Variants in NXPH2 observed in about 807,000 individuals in gnomAD.
The protein encoded by NXPH2 is neurexophilin-2.
NXPH2 carries 5 observed loss-of-function variants against 19.8 expected under a neutral mutation model. The ratio of observed to expected loss-of-function variants is 0.25; its 90% CI spans 0.13 to 0.53. The LOEUF (loss-of-function observed/expected upper bound fraction) is 0.53. NXPH2 is among the 20% of genes least tolerant of loss of function. The pLI is 0.96. For synonymous variants in NXPH2, 154 were observed against 127.4 expected, an observed-to-expected ratio of 1.21 and a Z score of -1.41; for missense variants, 289 against 322.8, an observed-to-expected ratio of 0.90 and a Z score of 0.80.
chr2:138,766,066 G>A (rs570577562), intron 1 of NXPH2, among the ~76,000 whole-genome samples: 1 of 152,272 alleles, frequency 6.6e-6, no homozygotes, highest in South Asian at 2.1e-4. Flanking sequence ...TCCAGGCAAG[G>A]AATATCAGGG....
At chr2:138,676,691 G>C (rs527689081) in intron 1 of NXPH2, among the ~76,000 whole-genome samples, 1 of 152,302 alleles carries the variant, frequency 6.6e-6, no homozygotes, top group Non-Finnish European at 1.5e-5. Flanking sequence ...TTCGATGACT[G>C]ATGGCTCTTC....
chr2:138,714,454 T>C (rs575368563), intron 1 of NXPH2, among the ~76,000 whole-genome samples: 55 of 152,320 alleles, frequency 3.6e-4, no homozygotes, highest in African/African-American at 1.3e-3. Flanking sequence ...ACTTTTCTCA[T>C]TAATTAGAAG....
At chr2:138,676,094 C>T (rs1209722529) in intron 1 of NXPH2, among the ~76,000 whole-genome samples, 1 of 152,066 alleles carries the variant, frequency 6.6e-6, no homozygotes, top group Non-Finnish European at 1.5e-5. Flanking sequence ...CTGTGTACAA[C>T]CTCATCCGTT....
chr2:138,736,348 T>C (rs1270139662), intron 1 of NXPH2, among the ~76,000 whole-genome samples: 1 of 152,204 alleles, frequency 6.6e-6, no homozygotes, highest in Non-Finnish European at 1.5e-5. Flanking sequence ...AAACCTCAAT[T>C]CTTGACTTCT....
chr2:138,699,800 C>T (rs1257118342), intron 1 of NXPH2, among the ~76,000 whole-genome samples: 4 of 152,176 alleles, frequency 2.6e-5, no homozygotes, highest in Middle Eastern at 3.2e-3. Flanking sequence ...TGCGAAAACA[C>T]GTTCATGCGT....
intron 1 of NXPH2, among the ~76,000 whole-genome samples, chr2:138,768,223 C>T (rs1245032800): frequency 4.6e-5 from 7 of 151,812 alleles, no homozygotes; most frequent in Non-Finnish European, 1.0e-4. Context: ...CCTTTTTTTC[C>T]TGATGATTTC....
chr2:138,689,536 G>A (rs1038527806), intron 1 of NXPH2, among the ~76,000 whole-genome samples: 1 of 152,158 alleles, frequency 6.6e-6, no homozygotes, highest in African/African-American at 2.4e-5. Flanking sequence ...GAGTGCCCAT[G>A]TTGAGGTAAA....
chr2:138,738,344 G>T (rs1050590900), intron 1 of NXPH2, among the ~76,000 whole-genome samples: 1 of 152,062 alleles, frequency 6.6e-6, no homozygotes, highest in African/African-American at 2.4e-5. Context: ...AAAACACTTG[G>T]TATAACGAAT....
intron 1 of NXPH2, among the ~76,000 whole-genome samples, chr2:138,723,934 CT>C (rs66507808): frequency 3.5e-5 from 5 of 144,570 alleles, no homozygotes; most frequent in African/African-American, 1.0e-4. Flanking sequence ...GTCATAATTT[CT>C]TTTTTTTTTT....
chr2:138,712,179 C>T (rs1681116196), intron 1 of NXPH2, among the ~76,000 whole-genome samples: 2 of 152,140 alleles, frequency 1.3e-5, no homozygotes, highest in African/African-American at 4.8e-5. Flanking sequence ...CAGAATGCCA[C>T]TAAATTAATT....
At chr2:138,747,496 A>G (rs1681757125) in intron 1 of NXPH2, among the ~76,000 whole-genome samples, 1 of 151,992 alleles carries the variant, frequency 6.6e-6, no homozygotes, top group South Asian at 2.1e-4. Flanking sequence ...CCTGATTGTG[A>G]CCTGTCCCCT....
chr2:138,756,011 C>T (rs1023885277), intron 1 of NXPH2, among the ~76,000 whole-genome samples: 4 of 151,922 alleles, frequency 2.6e-5, no homozygotes, highest in African/African-American at 7.2e-5. Context: ...AACTTACTAA[C>T]CTTGTATCCT....
intron 1 of NXPH2, among the ~76,000 whole-genome samples, chr2:138,715,511 G>A (rs553486843): frequency 1.3e-5 from 2 of 152,224 alleles, no homozygotes; most frequent in South Asian, 2.1e-4. Context: ...CTGCTTATCA[G>A]GGTAAATAAA....
At chr2:138,775,178 G>GA (rs1682242037) in intron 1 of NXPH2, among the ~76,000 whole-genome samples, 1 of 152,080 alleles carries the variant, frequency 6.6e-6, no homozygotes, top group African/African-American at 2.4e-5. Context: ...CAGCATTTGG[G>GA]CTTAAATAAT....
At chr2:138,743,880 G>T (rs919224058) in intron 1 of NXPH2, among the ~76,000 whole-genome samples, 4 of 151,782 alleles carry the variant, frequency 2.6e-5, no homozygotes, top group Admixed American at 6.6e-5. Context: ...GCATGCACCT[G>T]TAGTCATAGC....
chr2:138,742,134 T>C (rs2105006696), intron 1 of NXPH2, among the ~76,000 whole-genome samples: 1 of 152,308 alleles, frequency 6.6e-6, no homozygotes, highest in South Asian at 2.1e-4. Context: ...TAATGAGTCT[T>C]GGGCTCAGAT....
intron 1 of NXPH2, among the ~76,000 whole-genome samples, chr2:138,760,664 A>G (rs980152608): frequency 6.6e-6 from 1 of 152,184 alleles, no homozygotes; most frequent in African/African-American, 2.4e-5. Flanking sequence ...TAAAAATTAA[A>G]ATCAGGTTCC....
intron 1 of NXPH2, among the ~76,000 whole-genome samples, chr2:138,777,319 G>A (rs1237449062): frequency 6.6e-6 from 1 of 151,944 alleles, no homozygotes; most frequent in Non-Finnish European, 1.5e-5. Flanking sequence ...GTATGTTGCT[G>A]AATAAGAATT....
rs983331322 is a variant in NXPH2, at chr2:138,770,784, T to C, written c.51+9407A>G. On this transcript the variant is annotated intron_variant, in intron 1 of 1. Coordinates refer to ENST00000272641, the MANE Select transcript of NXPH2 (RefSeq NM_007226.3). ...ATAAAGAACAATTGTGCGTGAGCAA[T>C]ATTAAAAAGAAACTATAAAATTTAA... Among the ~76,000 whole-genome samples, 10 of 152,092 alleles carry C rather than the reference T, an allele frequency of 6.6e-5. No homozygotes were observed. The East Asian group carries it at 1.7e-3, about 26-fold the overall frequency.
Sources: gnomAD v4.1 joint callset for allele counts (sites outside exome capture counted in the v4.1 genomes callset) on GRCh38, gnomAD v4.1.1 for gene constraint, MANE v1.5 for transcripts, NCBI Gene and HGNC (gene_info 2026-07-23, HGNC 2026-07-21) for gene names.